Variants in ZNF682 observed in about 807,000 individuals in gnomAD.
The protein encoded by ZNF682 is zinc finger protein 682.
Under a neutral mutation model 36.5 loss-of-function variants are expected in ZNF682, and 29 were observed. That is an observed-to-expected ratio of 0.80 (90% CI 0.59 to 1.08). The LOEUF (loss-of-function observed/expected upper bound fraction) is 1.08. ZNF682 is among the 50% of genes least tolerant of loss of function. The pLI is 0.00. For missense variants in ZNF682, 561 were observed against 579.7 expected (o/e 0.97, Z 0.33); for synonymous variants, 180 against 197.0 (o/e 0.91, Z 0.72).
At chr19:20,002,059 T>TA (rs1341987356), downstream of ZNF682, among the ~76,000 whole-genome samples, 4 of 152,108 alleles carry the variant, frequency 2.6e-5, no homozygotes, top group Non-Finnish European at 5.9e-5. Flanking sequence ...AAGGGCCACT[T>TA]ATGAACAGAA....
Position 20,005,167 on chromosome 19 carries a change from C to T in ZNF682, c.*838G>A, listed in dbSNP as rs8107725. On this transcript the variant is annotated 3_prime_UTR_variant, in exon 4 of 4. Coordinates refer to ENST00000397165, the MANE Select transcript of ZNF682 (RefSeq NM_033196.3). ...TCGGCTCACTGCAAGCTCCGCCTCT[C>T]GGGTTCACGCCATTCTCCTGCCTCA... The T allele has an allele frequency of 0.065, 9,835 of 152,102 alleles. 553 individuals carry two copies. The highest frequency in any genetic ancestry group is 0.18 in the East Asian group (950 of 5,158). 9.4% of individuals were successfully genotyped at this position (152,102 alleles called of 1,614,324 possible).
At chr19:20,032,793 G>A (rs1220866965) in intron 1 of ZNF682, among the ~76,000 whole-genome samples, 1 of 152,184 alleles carries the variant, frequency 6.6e-6, no homozygotes, top group Non-Finnish European at 1.5e-5. Flanking sequence ...TCCTCAAGAA[G>A]ACCACGTGAC....
At chr19:20,025,954 T>C (rs2088427671) in intron 1 of ZNF682, among the ~76,000 whole-genome samples, 1 of 152,204 alleles carries the variant, frequency 6.6e-6, no homozygotes, top group Non-Finnish European at 1.5e-5. Context: ...TTTTCCAGAA[T>C]ATTCTGAGTT....
intron 1 of ZNF682, among the ~76,000 whole-genome samples, chr19:20,037,922 ACCACT>A (rs1599621289): frequency 6.6e-6 from 1 of 152,298 alleles, no homozygotes; most frequent in Non-Finnish European, 1.5e-5. Context: ...CAATGCACCA[ACCACT>A]CCACAGAGAG....
intron 1 of ZNF682, among the ~76,000 whole-genome samples, chr19:20,031,839 G>C (rs2088482725): frequency 7.2e-6 from 1 of 139,454 alleles, no homozygotes; most frequent in Admixed American, 7.7e-5. Context: ...CTACTCGGGA[G>C]GCTGAGGCAA....
At chr19:20,008,321 A>C (rs2088248752) in intron 3 of ZNF682, 1 of 152,258 alleles carries the variant, frequency 6.6e-6, no homozygotes, top group Admixed American at 6.5e-5. Flanking sequence ...CATCTGGAAG[A>C]ACTCAGCAAT....
intron 3 of ZNF682, among the ~76,000 whole-genome samples, chr19:20,012,236 C>T (rs1434991235): frequency 6.6e-6 from 1 of 151,914 alleles, no homozygotes; most frequent in Non-Finnish European, 1.5e-5. Context: ...TAATTCAAAT[C>T]AGAGCAGAAC....
At chr19:20,026,894 C>T (rs1035867538) in intron 1 of ZNF682, among the ~76,000 whole-genome samples, 2 of 152,020 alleles carry the variant, frequency 1.3e-5, no homozygotes, top group South Asian at 2.1e-4. Flanking sequence ...TATTTTTCAG[C>T]GCCTCTTAAC....
intron 1 of ZNF682, among the ~76,000 whole-genome samples, chr19:20,032,451 G>A (rs780330801): frequency 1.3e-5 from 2 of 152,146 alleles, no homozygotes; most frequent in African/African-American, 4.8e-5. Context: ...CTCTACAAGG[G>A]ACTATAGATC....
exon 4 of ZNF682, chr19:19,997,167 T>A: frequency 2.5e-6 from 1 of 398,490 alleles, no homozygotes; most frequent in South Asian, 1.3e-4. Context: ...AGCAGGAGGA[T>A]CCTCCAGGTT....
chr19:20,009,551 A>G (rs1424313725), intron 3 of ZNF682, among the ~76,000 whole-genome samples: 3 of 152,202 alleles, frequency 2.0e-5, no homozygotes, highest in Non-Finnish European at 4.4e-5. Flanking sequence ...ACTATACAAG[A>G]CAACCATCCT....
chr19:20,026,087 G>C (rs1050954305), intron 1 of ZNF682, among the ~76,000 whole-genome samples: 3 of 152,132 alleles, frequency 2.0e-5, no homozygotes, highest in African/African-American at 7.2e-5. Flanking sequence ...TGGATCACAA[G>C]GTCAGGAGAT....
intron 3 of ZNF682, among the ~76,000 whole-genome samples, chr19:20,019,767 G>A (rs1223445734): frequency 6.6e-6 from 1 of 152,064 alleles, no homozygotes; most frequent in Admixed American, 6.6e-5. Context: ...CCAAAACAAT[G>A]ATAAAATATC....
chr19:20,015,506 T>G, intron 3 of ZNF682: 3 of 813,012 alleles, frequency 3.7e-6, no homozygotes, highest in Non-Finnish European at 4.5e-6. Flanking sequence ...TCAAATGGCC[T>G]ATTATAAAAA....
intron 1 of ZNF682, chr19:20,033,524 A>T (rs1027597831): frequency 3.3e-5 from 5 of 152,308 alleles, no homozygotes; most frequent in African/African-American, 1.2e-4. Flanking sequence ...CAATAATGGA[A>T]ATGAAAGTGG....
In ZNF682 at chr19:20,006,301, C is replaced by G. The variant is rs1228233257; in HGVS notation, c.1201G>C (p.Glu401Gln). Residue 401 changes from glutamate (E) to glutamine (Q), a missense_variant, in exon 4 of 4, where the codon GAA becomes CAA. Physicochemically the swap from Glu to Gln is conservative, Grantham distance 29. Transcript: ENST00000397165. Reference protein sequence around the residue: ...HTGEKPYKCEECGKAFNWSSI... With the variant: ...HTGEKPYKCEQCGKAFNWSSI... ...GACCAGTTAAAAGCTTTGCCACATT[C>G]TTCACATTTGTAGGGTTTCTCTCCA... 1.2e-6 allele frequency: 2 copies of G among 1,613,602 alleles called. No homozygotes were observed. The highest frequency in any genetic ancestry group is 1.7e-5 in the Admixed American group (1 of 60,024).
chr19:20,021,598 C>T (rs542832203), intron 3 of ZNF682, among the ~76,000 whole-genome samples: 2 of 152,302 alleles, frequency 1.3e-5, no homozygotes, highest in East Asian at 1.9e-4. Flanking sequence ...AAAATCATTA[C>T]ACTTTACATA....
At chr19:20,022,941 C>A (rs1259894735) in intron 3 of ZNF682, 63 bp downstream of exon 3, 2 of 1,358,868 alleles carry the variant, frequency 1.5e-6, no homozygotes, top group East Asian at 2.3e-5. Flanking sequence ...CTCTTGAAGT[C>A]TGTCTTCCTT....
At chr19:20,020,516 A>T (rs78721775) in intron 3 of ZNF682, among the ~76,000 whole-genome samples, 4,483 of 152,208 alleles carry the variant, frequency 0.029, 107 homozygotes, top group Middle Eastern at 0.041. Flanking sequence ...TAAATTAATT[A>T]AATTAAATTA....
Sources: gnomAD v4.1 joint callset for allele counts (sites outside exome capture counted in the v4.1 genomes callset) on GRCh38, gnomAD v4.1.1 for gene constraint, MANE v1.5 for transcripts, NCBI Gene and HGNC (gene_info 2026-07-23, HGNC 2026-07-21) for gene names.